The following NUDCD3 variants were observed in gnomAD, a reference collection of about 807,000 sequenced individuals.
NUDCD3 encodes NudC domain containing 3.
A neutral mutation model predicts 39.7 loss-of-function variants in NUDCD3; 13 were observed. That is an observed-to-expected ratio of 0.33 (90% confidence interval 0.21 to 0.52). The LOEUF (loss-of-function observed/expected upper bound fraction) is 0.52, where lower values mean the gene tolerates loss of function less well. NUDCD3 is among the 20% of genes least tolerant of loss of function. The probability of loss-of-function intolerance (pLI) is 0.96; values close to 1 mark genes in which losing one functional copy is unlikely to be tolerated. For synonymous variants in NUDCD3, 175 were observed against 172.4 expected, an observed-to-expected ratio of 1.02 and a Z score of -0.12; for missense variants, 453 against 458.1, an observed-to-expected ratio of 0.99 and a Z score of 0.10.
chr7:44,437,433 T>A (rs535450593), intron 2 of NUDCD3, among the ~76,000 whole-genome samples: 1 of 152,294 alleles, frequency 6.6e-6, no homozygotes, highest in South Asian at 2.1e-4. Flanking sequence ...GTACCAGAAG[T>A]TCGTCTATGT....
At chr7:44,429,160 C>T (rs1037719177) in intron 2 of NUDCD3, among the ~76,000 whole-genome samples, 7 of 152,342 alleles carry the variant, frequency 4.6e-5, no homozygotes, top group South Asian at 2.1e-4. Context: ...GCCTCCACCA[C>T]GGCCTGAGTC....
At chr7:44,402,721 A>G (rs1010796803) in intron 4 of NUDCD3, 1 of 456,558 alleles carries the variant, frequency 2.2e-6, no homozygotes, top group African/African-American at 2.0e-5. Flanking sequence ...CACCCAACGG[A>G]AGGCAGGAGA....
Position 44,382,245 on chromosome 7 carries a change from G to T in NUDCD3, c.*3766C>A, listed in dbSNP as rs1022777288. The T allele has an allele frequency of 3.9e-5, 6 of 152,102 alleles. No individual in the cohort carries two copies. The highest frequency in any genetic ancestry group is 5.9e-5 in the Non-Finnish European group (4 of 68,016). 9.4% of individuals were successfully genotyped at this position (152,102 alleles called of 1,614,324 possible). On this transcript the variant is annotated 3_prime_UTR_variant, in exon 6 of 6. Coordinates refer to ENST00000355451, the MANE Select transcript of NUDCD3 (RefSeq NM_015332.4). ...TGAAAAACTACATATCAGGTATCAT[G>T]CTGATTACCTGGGTGACAAAATTAT...
intron 3 of NUDCD3, among the ~76,000 whole-genome samples, chr7:44,416,809 A>G (rs1331288803): frequency 6.6e-6 from 1 of 152,202 alleles, no homozygotes; most frequent in African/African-American, 2.4e-5. Context: ...CTGAGGTGAG[A>G]GAGAGCACTA....
chr7:44,454,936 A>AACACACACACAC (rs10539692), intron 2 of NUDCD3, among the ~76,000 whole-genome samples: 1 of 143,324 alleles, frequency 7.0e-6, no homozygotes, highest in African/African-American at 2.6e-5. Context: ...CCTGTCTCAA[A>AACACACACACAC]ACACACACAC....
At chr7:44,468,452 T>C in intron 2 of NUDCD3, 2 of 644,404 alleles carry the variant, frequency 3.1e-6, no homozygotes, top group Non-Finnish European at 5.3e-6. Context: ...AGCTAGCAAC[T>C]GAATGCCCGG....
intron 2 of NUDCD3, among the ~76,000 whole-genome samples, chr7:44,458,069 T>C (rs1799937565): frequency 6.6e-6 from 1 of 152,226 alleles, no homozygotes; most frequent in South Asian, 2.1e-4. Context: ...GCAATCCAAC[T>C]GTCCACCAAC....
At chr7:44,390,084 G>A (rs546756875) in intron 5 of NUDCD3, among the ~76,000 whole-genome samples, 31 of 152,276 alleles carry the variant, frequency 2.0e-4, no homozygotes, top group African/African-American at 7.5e-4. Flanking sequence ...CAGAAAACTG[G>A]CCAGGCGTGG....
chr7:44,427,299 T>C (rs1304466168), intron 3 of NUDCD3, among the ~76,000 whole-genome samples: 2 of 152,102 alleles, frequency 1.3e-5, no homozygotes, highest in Non-Finnish European at 2.9e-5. Flanking sequence ...GGTGAAGACA[T>C]CAGATGTGTG....
intron 2 of NUDCD3, chr7:44,467,926 C>A (rs764293871): frequency 5.0e-6 from 8 of 1,607,880 alleles, no homozygotes; most frequent in Non-Finnish European, 6.8e-6. Context: ...TTGTGAAGCC[C>A]AAGATCGTCA....
At chr7:44,422,705 G>A (rs2116895538) in intron 3 of NUDCD3, among the ~76,000 whole-genome samples, 1 of 152,232 alleles carries the variant, frequency 6.6e-6, no homozygotes, top group South Asian at 2.1e-4. Flanking sequence ...TCTACCAGAG[G>A]TACAAAGAGG....
At chr7:44,387,745 A>T (rs1411693653) in intron 5 of NUDCD3, among the ~76,000 whole-genome samples, 1 of 152,218 alleles carries the variant, frequency 6.6e-6, no homozygotes, top group Non-Finnish European at 1.5e-5. Context: ...TGATCTTACA[A>T]CAGAGGGATC....
chr7:44,488,230 G>C (rs954261833), intron 1 of NUDCD3, among the ~76,000 whole-genome samples: 2 of 151,142 alleles, frequency 1.3e-5, no homozygotes, highest in African/African-American at 2.4e-5. Flanking sequence ...AGCTACTCGA[G>C]AGGCTGAGGC....
intron 2 of NUDCD3, among the ~76,000 whole-genome samples, chr7:44,449,864 A>C (rs1434499345): frequency 6.6e-6 from 1 of 151,952 alleles, no homozygotes; most frequent in African/African-American, 2.4e-5. Context: ...AAAAAAAAAA[A>C]AAAAACTGAT....
intron 2 of NUDCD3, among the ~76,000 whole-genome samples, chr7:44,479,506 A>C (rs1004238297): frequency 6.6e-6 from 1 of 152,228 alleles, no homozygotes; most frequent in African/African-American, 2.4e-5. Flanking sequence ...TATACAAAAT[A>C]TAAATACATT....
chr7:44,481,807 T>G (rs1244517255), intron 2 of NUDCD3, among the ~76,000 whole-genome samples: 1 of 152,212 alleles, frequency 6.6e-6, no homozygotes, highest in Non-Finnish European at 1.5e-5. Flanking sequence ...GATATTGGGA[T>G]GAGTACTTTG....
intron 2 of NUDCD3, among the ~76,000 whole-genome samples, chr7:44,466,306 G>C (rs1800117522): frequency 6.6e-6 from 1 of 152,186 alleles, no homozygotes; most frequent in African/African-American, 2.4e-5. Flanking sequence ...CTCGGGCAAG[G>C]GATCATACCC....
At chr7:44,469,131 A>C (rs1430887857) in intron 2 of NUDCD3, among the ~76,000 whole-genome samples, 4 of 150,400 alleles carry the variant, frequency 2.7e-5, no homozygotes, top group South Asian at 2.1e-4. Flanking sequence ...AAAAAAAAAA[A>C]AAAAAAAAAA....
chr7:44,474,399 C>T (rs1268235806), intron 2 of NUDCD3, among the ~76,000 whole-genome samples: 1 of 152,162 alleles, frequency 6.6e-6, no homozygotes, highest in East Asian at 1.9e-4. Context: ...AACTCTCTGG[C>T]CCTACCTTCT....
Sources: gnomAD v4.1 joint callset for allele counts (sites outside exome capture counted in the v4.1 genomes callset) on GRCh38, gnomAD v4.1.1 for gene constraint, MANE v1.5 for transcripts, NCBI Gene and HGNC (gene_info 2026-07-23, HGNC 2026-07-21) for gene names.